ZFHX3: variants seen among roughly 807,000 people sequenced by gnomAD.
The protein encoded by ZFHX3 is zinc finger homeobox 3.
Under a neutral mutation model 279.1 loss-of-function variants are expected in ZFHX3, and 42 were observed. The observed-to-expected ratio is 0.15, with a 90% confidence interval of 0.12 to 0.19. The LOEUF (loss-of-function observed/expected upper bound fraction) is 0.19. Ranked by LOEUF, ZFHX3 falls within the 10% of genes least tolerant of loss-of-function variation. ZFHX3 has a pLI of 1.00. For missense variants in ZFHX3, 4,981 were observed against 4,754.0 expected, an observed-to-expected ratio of 1.05 and a Z score of -1.40; for synonymous variants, 2,293 against 1,957.8, an observed-to-expected ratio of 1.17 and a Z score of -4.52.
intron 1 of ZFHX3, among the ~76,000 whole-genome samples, chr16:73,846,322 CCT>C (rs1208493488): frequency 1.3e-5 from 2 of 152,136 alleles, no homozygotes; most frequent in African/African-American, 4.8e-5. Context: ...GAGCGTCTAT[CCT>C]CTCTGAGTAT....
intron 2 of ZFHX3, among the ~76,000 whole-genome samples, chr16:73,509,248 A>G (rs1180322207): frequency 6.6e-6 from 1 of 152,118 alleles, no homozygotes; most frequent in Admixed American, 6.5e-5. Context: ...ACCTATAGCC[A>G]TTAAAACCCA....
At chr16:72,850,563 G>A (rs1210701955) in intron 4 of ZFHX3, among the ~76,000 whole-genome samples, 1 of 152,180 alleles carries the variant, frequency 6.6e-6, no homozygotes, top group Non-Finnish European at 1.5e-5. Context: ...GGGATATAGG[G>A]TGGGTCCACA....
intron 1 of ZFHX3, among the ~76,000 whole-genome samples, chr16:73,819,583 GTTGATC>G (rs1393476189): frequency 6.6e-6 from 1 of 152,112 alleles, no homozygotes; most frequent in Non-Finnish European, 1.5e-5. Flanking sequence ...GGCTGTACCT[GTTGATC>G]TTAACCACTA....
At chr16:73,823,378 C>T (rs1960806964) in intron 1 of ZFHX3, among the ~76,000 whole-genome samples, 2 of 152,090 alleles carry the variant, frequency 1.3e-5, no homozygotes, top group Admixed American at 1.3e-4. Context: ...CTGGGCCCAT[C>T]CATCCCTCAA....
chr16:73,404,647 A>G (rs2017323808), intron 3 of ZFHX3, among the ~76,000 whole-genome samples: 1 of 152,148 alleles, frequency 6.6e-6, no homozygotes. Context: ...TCTCATTTTC[A>G]TCTTCATTAT....
rs199918745 is a variant in ZFHX3, at chr16:72,787,147, T to C, written c.*17A>G. ...TTGTATTTAAATTCATTTGTTTGTATTGTTCATCTTCAAAGCTTACAATCT... is the reference window on the plus strand; with the variant it reads ...TTGTATTTAAATTCATTTGTTTGTACTGTTCATCTTCAAAGCTTACAATCT... On this transcript the variant is annotated 3_prime_UTR_variant, in exon 10 of 10. Transcript: ENST00000268489. 1.2e-4 allele frequency: 173 copies of C among 1,460,670 alleles called. No homozygotes were observed. The highest frequency in any genetic ancestry group is 1.9e-5 in the Non-Finnish European group (21 of 1,097,700). The allele number at this position is 1,460,670 out of a possible 1,614,324, so 90.5% of individuals were successfully genotyped here. A position where few individuals can be genotyped will look rare whatever the true frequency, so the allele number is the denominator to read the frequency against.
At chr16:73,073,524 AGTATCACTCTTTTGCCCAG>A (rs1965849375) in intron 8 of ZFHX3, among the ~76,000 whole-genome samples, 1 of 152,160 alleles carries the variant, frequency 6.6e-6, no homozygotes, top group South Asian at 2.1e-4. Flanking sequence ...TTTGAGACAG[AGTATCACTCTTTTGCCCAG>A]GTTGGAGTGC....
At chr16:73,030,584 T>C (rs1220677208) in intron 1 of ZFHX3, among the ~76,000 whole-genome samples, 1 of 152,040 alleles carries the variant, frequency 6.6e-6, no homozygotes, top group East Asian at 1.9e-4. Context: ...CAATGCCTCT[T>C]ATCAATTTAT....
chr16:73,746,548 T>C (rs986712324), intron 1 of ZFHX3, among the ~76,000 whole-genome samples: 10 of 152,194 alleles, frequency 6.6e-5, no homozygotes, highest in African/African-American at 1.4e-4. Flanking sequence ...CAGGGGCTTA[T>C]TTTCAGCCCC....
intron 3 of ZFHX3, among the ~76,000 whole-genome samples, chr16:72,912,779 C>T (rs1281523012): frequency 6.6e-6 from 1 of 152,092 alleles, no homozygotes; most frequent in Non-Finnish European, 1.5e-5. Flanking sequence ...GCCTAGAGTG[C>T]AGTGGGGCCA....
chr16:73,777,058 C>G (rs936072873), intron 1 of ZFHX3, among the ~76,000 whole-genome samples: 2 of 152,192 alleles, frequency 1.3e-5, no homozygotes, highest in African/African-American at 4.8e-5. Context: ...ATTTCACAAG[C>G]TAGCATCACC....
chr16:72,839,552 G>C (rs1042360799), intron 4 of ZFHX3, among the ~76,000 whole-genome samples: 1 of 152,062 alleles, frequency 6.6e-6, no homozygotes, highest in African/African-American at 2.4e-5. Context: ...TTCCAACCCA[G>C]TATGCTACTG....
chr16:72,856,478 C>G (rs961064258), intron 4 of ZFHX3, among the ~76,000 whole-genome samples: 1 of 152,170 alleles, frequency 6.6e-6, no homozygotes, highest in Admixed American at 6.5e-5. Flanking sequence ...AAGAGGGATA[C>G]GCAGGAGCTT....
At chr16:73,770,943 T>C (rs2054011216) in intron 1 of ZFHX3, among the ~76,000 whole-genome samples, 1 of 152,160 alleles carries the variant, frequency 6.6e-6, no homozygotes, top group South Asian at 2.1e-4. Context: ...AGGTAAGACA[T>C]TGTCATGAAG....
intron 1 of ZFHX3, among the ~76,000 whole-genome samples, chr16:73,054,805 A>G (rs1965515968): frequency 6.6e-6 from 1 of 152,180 alleles, no homozygotes; most frequent in Admixed American, 6.5e-5. Flanking sequence ...ATACCCCAAG[A>G]CTGTAAATCT....
intron 4 of ZFHX3, among the ~76,000 whole-genome samples, chr16:73,282,267 T>G (rs1197190587): frequency 6.6e-6 from 1 of 152,234 alleles, no homozygotes; most frequent in Non-Finnish European, 1.5e-5. Flanking sequence ...CCTGGAAGGA[T>G]GGTGATCCTT....
At chr16:73,599,746 A>AAC (rs34700189) in intron 2 of ZFHX3, among the ~76,000 whole-genome samples, 2 of 138,880 alleles carry the variant, frequency 1.4e-5, no homozygotes, top group East Asian at 2.2e-4. Context: ...AAAAAAAAAA[A>AAC]CAACAACCTA....
chr16:73,477,340 A>G (rs552024663), intron 2 of ZFHX3, among the ~76,000 whole-genome samples: 7 of 152,368 alleles, frequency 4.6e-5, no homozygotes, highest in African/African-American at 1.4e-4. Context: ...TGAGTAAGGA[A>G]ATTCAGTACC....
intron 2 of ZFHX3, among the ~76,000 whole-genome samples, chr16:73,602,155 G>C (rs1460950137): frequency 6.6e-6 from 1 of 152,102 alleles, no homozygotes; most frequent in Non-Finnish European, 1.5e-5. Context: ...AAAAGGAAAA[G>C]AAAAGAAGAA....
Sources: gnomAD v4.1 joint callset for allele counts (sites outside exome capture counted in the v4.1 genomes callset) on GRCh38, gnomAD v4.1.1 for gene constraint, MANE v1.5 for transcripts, NCBI Gene and HGNC (gene_info 2026-07-23, HGNC 2026-07-21) for gene names.